Variants in FAM171A1 observed in about 807,000 individuals in gnomAD.
FAM171A1 encodes family with sequence similarity 171 member A1, also known as protein FAM171A1.
A neutral mutation model predicts 74.9 loss-of-function variants in FAM171A1; 23 were observed. The observed-to-expected ratio is 0.31, with a 90% CI of 0.22 to 0.44. The LOEUF is 0.44. FAM171A1 is among the 20% of genes least tolerant of loss of function. The pLI is 1.00. For synonymous variants in FAM171A1, 527 were observed against 505.7 expected (o/e 1.04, Z -0.57); for missense variants, 1,162 against 1,159.2 (o/e 1.00, Z -0.03).
At chr10:15,348,832 C>T (rs1014157549) in intron 1 of FAM171A1, among the ~76,000 whole-genome samples, 59 of 152,302 alleles carry the variant, frequency 3.9e-4, no homozygotes, top group Middle Eastern at 3.4e-3. Context: ...ATCGGGAGAA[C>T]GGGCAGCAGC....
At chr10:15,322,952 C>T (rs1206634640) in intron 1 of FAM171A1, among the ~76,000 whole-genome samples, 2 of 151,762 alleles carry the variant, frequency 1.3e-5, no homozygotes, top group African/African-American at 2.4e-5. Flanking sequence ...CCAGCCTGGC[C>T]AACATGGCGA....
At chr10:15,330,137 T>C (rs1298981637) in intron 1 of FAM171A1, among the ~76,000 whole-genome samples, 2 of 151,764 alleles carry the variant, frequency 1.3e-5, no homozygotes, top group African/African-American at 4.8e-5. Context: ...AAGTCAGGAG[T>C]TCGAGATCAG....
intron 1 of FAM171A1, among the ~76,000 whole-genome samples, chr10:15,352,467 A>G (rs1425950405): frequency 6.6e-6 from 1 of 152,208 alleles, no homozygotes; most frequent in Non-Finnish European, 1.5e-5. Flanking sequence ...CTCCTCCCTC[A>G]TGTTTACTTG....
chr10:15,321,767 G>A (rs1252623355), intron 1 of FAM171A1, among the ~76,000 whole-genome samples: 1 of 152,184 alleles, frequency 6.6e-6, no homozygotes, highest in African/African-American at 2.4e-5. Flanking sequence ...TGTGTTGCCT[G>A]TATTTCATAT....
intron 4 of FAM171A1, among the ~76,000 whole-genome samples, chr10:15,251,197 G>A (rs866575967): frequency 6.6e-6 from 1 of 152,138 alleles, no homozygotes; most frequent in Admixed American, 6.5e-5. Flanking sequence ...TTGCAGAAAC[G>A]AGCATATTAA....
intron 1 of FAM171A1, among the ~76,000 whole-genome samples, chr10:15,310,211 G>C (rs1348224563): frequency 1.3e-5 from 2 of 152,186 alleles, no homozygotes; most frequent in South Asian, 2.1e-4. Flanking sequence ...TGGTGGGTAA[G>C]AGGAACGAAA....
At chr10:15,331,306 G>C (rs1457665707) in intron 1 of FAM171A1, among the ~76,000 whole-genome samples, 2 of 152,204 alleles carry the variant, frequency 1.3e-5, no homozygotes, top group African/African-American at 4.8e-5. Context: ...GCCTAGAAAA[G>C]TTGAATACTT....
At chr10:15,261,438 A>T (rs888179138) in intron 3 of FAM171A1, among the ~76,000 whole-genome samples, 3 of 152,206 alleles carry the variant, frequency 2.0e-5, no homozygotes, top group African/African-American at 4.8e-5. Context: ...TGAGTTTATC[A>T]CATCATCCTT....
chr10:15,278,163 C>T (rs779625295), intron 2 of FAM171A1, among the ~76,000 whole-genome samples: 1 of 137,470 alleles, frequency 7.3e-6, no homozygotes, highest in African/African-American at 2.7e-5. Flanking sequence ...TCATCATATA[C>T]GAGGCTCAGA....
At chr10:15,370,907 C>G (rs1243018225) in intron 1 of FAM171A1, 49 bp downstream of exon 1, 1 of 925,896 alleles carries the variant, frequency 1.1e-6, no homozygotes, top group Non-Finnish European at 1.3e-6. Context: ...CGCCTCCGCG[C>G]CAGGCCCGGC....
intron 1 of FAM171A1, among the ~76,000 whole-genome samples, chr10:15,362,797 G>C (rs1329350995): frequency 6.6e-6 from 1 of 152,158 alleles, no homozygotes. Context: ...GAGAGTTAGT[G>C]GGTTTCATCT....
In FAM171A1 at chr10:15,285,805, G is replaced by A. The variant is rs567769245; in HGVS notation, c.98-1700C>T. Among the ~76,000 whole-genome samples the A allele has an allele frequency of 1.3e-5, 2 of 152,302 alleles. 1 individual carries two copies. The highest frequency in any genetic ancestry group is 4.1e-4 in the South Asian group (2 of 4,828). On this transcript the variant is annotated intron_variant, in intron 1 of 7. Transcript: ENST00000378116. The stretch of plus-strand genomic sequence containing the variant: ...GTGTTCATAGCACCTTCCAGAGTGG[G>A]GCTCAGTGGAGTGACCATCAATGAG...
chr10:15,232,802 G>A (rs983498269), intron 5 of FAM171A1, among the ~76,000 whole-genome samples: 3 of 152,276 alleles, frequency 2.0e-5, no homozygotes, highest in South Asian at 4.1e-4. Context: ...AAGAAATCAC[G>A]TTTTGTGTCT....
chr10:15,235,155 C>A (rs1834268206), intron 5 of FAM171A1, among the ~76,000 whole-genome samples: 1 of 151,872 alleles, frequency 6.6e-6, no homozygotes, highest in African/African-American at 2.4e-5. Flanking sequence ...ACTAAAAATA[C>A]AAAAATTAGC....
chr10:15,276,384 T>C (rs1369871529), intron 2 of FAM171A1, among the ~76,000 whole-genome samples: 3 of 152,202 alleles, frequency 2.0e-5, no homozygotes, highest in East Asian at 1.9e-4. Flanking sequence ...TTTTACTGTG[T>C]TGGCGAAGCT....
chr10:15,365,410 C>T (rs1836047629), intron 1 of FAM171A1, among the ~76,000 whole-genome samples: 3 of 152,184 alleles, frequency 2.0e-5, no homozygotes, highest in South Asian at 4.1e-4. Flanking sequence ...GAGCCTGAGT[C>T]GTCCATCCAG....
At chr10:15,233,928 C>T (rs946919815) in intron 5 of FAM171A1, among the ~76,000 whole-genome samples, 1 of 141,224 alleles carries the variant, frequency 7.1e-6, no homozygotes, top group Non-Finnish European at 1.5e-5. Flanking sequence ...ACCACGACAT[C>T]AAAAATGTGA....
chr10:15,339,269 TG>T (rs1835737035), intron 1 of FAM171A1, among the ~76,000 whole-genome samples: 1 of 152,216 alleles, frequency 6.6e-6, no homozygotes, highest in Non-Finnish European at 1.5e-5. Flanking sequence ...CCAATATGGA[TG>T]TATTATTATT....
chr10:15,340,748 A>C (rs944412911), intron 1 of FAM171A1, among the ~76,000 whole-genome samples: 4 of 152,192 alleles, frequency 2.6e-5, no homozygotes, highest in African/African-American at 4.8e-5. Flanking sequence ...CTTGATAGTG[A>C]GTGTATTTGG....
Sources: gnomAD v4.1 joint callset for allele counts (sites outside exome capture counted in the v4.1 genomes callset) on GRCh38, gnomAD v4.1.1 for gene constraint, MANE v1.5 for transcripts, NCBI Gene and HGNC (gene_info 2026-07-23, HGNC 2026-07-21) for gene names.